EEFSEC: variants seen among roughly 807,000 people sequenced by gnomAD.
EEFSEC encodes eukaryotic elongation factor, selenocysteine-tRNA specific.
EEFSEC carries 43 observed loss-of-function variants against 42.1 expected under a neutral mutation model. That is an observed-to-expected ratio of 1.02 (90% CI 0.80 to 1.32). The LOEUF is 1.32. Ranked by LOEUF, EEFSEC falls within the 40% of genes most tolerant of loss-of-function variation. The pLI is 0.00. For missense variants in EEFSEC, 745 were observed against 803.6 expected (o/e 0.93, Z 0.88); for synonymous variants, 354 against 339.1 (o/e 1.04, Z -0.48).
intron 4 of EEFSEC, among the ~76,000 whole-genome samples, chr3:128,289,314 A>G (rs2066618944): frequency 6.6e-6 from 1 of 152,222 alleles, no homozygotes; most frequent in Non-Finnish European, 1.5e-5. Flanking sequence ...ACTATGTCTC[A>G]TGCCTTTCTT....
At chr3:128,291,115 A>T (rs2107984652) in intron 4 of EEFSEC, among the ~76,000 whole-genome samples, 1 of 148,876 alleles carries the variant, frequency 6.7e-6, no homozygotes, top group East Asian at 2.0e-4. Flanking sequence ...ATTTCTAAGT[A>T]TTTTTTTTTT....
At chr3:128,245,410 C>G (rs1200571008) in intron 1 of EEFSEC, among the ~76,000 whole-genome samples, 1 of 152,244 alleles carries the variant, frequency 6.6e-6, no homozygotes, top group Non-Finnish European at 1.5e-5. Context: ...GGCCCTCCTG[C>G]CCCTTGACCT....
intron 1 of EEFSEC, among the ~76,000 whole-genome samples, chr3:128,182,003 G>A (rs1358119397): frequency 2.0e-5 from 3 of 152,058 alleles, no homozygotes; most frequent in South Asian, 4.2e-4. Flanking sequence ...TAGTAGAGAC[G>A]GGGTTTCACC....
chr3:128,316,720 G>A (rs147964687), intron 4 of EEFSEC, among the ~76,000 whole-genome samples: 2 of 152,312 alleles, frequency 1.3e-5, no homozygotes, highest in Admixed American at 6.5e-5. Flanking sequence ...AGCCAGCAGC[G>A]TGGGGTTACC....
intron 4 of EEFSEC, among the ~76,000 whole-genome samples, chr3:128,270,869 G>A (rs146575425): frequency 2.6e-4 from 39 of 152,252 alleles, no homozygotes; most frequent in South Asian, 1.5e-3. Flanking sequence ...CCCGTCCTCT[G>A]TGCTGCCTGC....
At chr3:128,194,991 C>T (rs2065568749) in intron 1 of EEFSEC, among the ~76,000 whole-genome samples, 1 of 152,226 alleles carries the variant, frequency 6.6e-6, no homozygotes, top group South Asian at 2.1e-4. Flanking sequence ...TCCCTCCTCG[C>T]TCCTCCTTCT....
intron 1 of EEFSEC, among the ~76,000 whole-genome samples, chr3:128,186,393 A>G (rs1017718338): frequency 6.6e-6 from 1 of 152,218 alleles, no homozygotes; most frequent in African/African-American, 2.4e-5. Flanking sequence ...CTTTCTTGAT[A>G]GTGTCCTTTG....
At position 128,246,980 on chromosome 3, in the gene EEFSEC, G is replaced by A. The variant is rs1341990877; in HGVS notation, c.461G>A (p.Gly154Glu). 2 of 1,614,138 alleles carry A rather than the reference G, an allele frequency of 1.2e-6. No individual in the cohort carries two copies. Among genetic ancestry groups the A allele is most frequent in the East Asian group, 2.2e-5 (1 of 44,882 alleles). The change falls in exon 2 of 7, where the codon GGA becomes GAA. Residue 154 changes from glycine to glutamate, a missense_variant. Coordinates refer to ENST00000254730, the MANE Select transcript of EEFSEC (RefSeq NM_021937.5). ...AACAAAATAGACCTCTTACCTGAAG[G>A]AAAGAGACAGGCAGCAATTGATAAA... ...VLNKIDLLPEGKRQAAIDKMT... is the reference protein window; with the variant it reads ...VLNKIDLLPEEKRQAAIDKMT...
intron 2 of EEFSEC, among the ~76,000 whole-genome samples, chr3:128,261,774 C>T (rs971735274): frequency 2.0e-5 from 3 of 152,126 alleles, no homozygotes; most frequent in African/African-American, 7.2e-5. Context: ...CTTCAGAAGG[C>T]TGAGATGTAT....
chr3:128,180,191 G>C (rs1290347104), intron 1 of EEFSEC, among the ~76,000 whole-genome samples: 1 of 152,104 alleles, frequency 6.6e-6, no homozygotes, highest in Non-Finnish European at 1.5e-5. Context: ...CAAAACACAT[G>C]AAGTTGTTTT....
At position 128,396,438 on chromosome 3, in the gene EEFSEC, A is replaced by T. The variant is rs139145576; in HGVS notation, c.1601-11631A>T. ...GGAGTGGATAATGTACCCTCCTCAC[A>T]TGAGTTGAGGCACAGAAAGCACTTT... On this transcript the variant is annotated intron_variant, in intron 6 of 6. Coordinates refer to ENST00000254730, the MANE Select transcript of EEFSEC (RefSeq NM_021937.5). 1.6e-4 allele frequency among the ~76,000 whole-genome samples: 25 copies of T among 152,158 alleles called. 1 individual carries two copies. The highest frequency in any genetic ancestry group is 4.8e-4 in the African/African-American group (20 of 41,516).
At chr3:128,389,728 G>T (rs1318912843) in intron 6 of EEFSEC, among the ~76,000 whole-genome samples, 10 of 152,254 alleles carry the variant, frequency 6.6e-5, no homozygotes, top group Non-Finnish European at 1.5e-5. Context: ...CTTGACCTTG[G>T]GAAAGGGAGG....
chr3:128,193,645 G>A (rs1231464715), intron 1 of EEFSEC, among the ~76,000 whole-genome samples: 1 of 152,196 alleles, frequency 6.6e-6, no homozygotes, highest in Non-Finnish European at 1.5e-5. Flanking sequence ...GTCACCTTCT[G>A]TGATCCTTAC....
intron 1 of EEFSEC, among the ~76,000 whole-genome samples, chr3:128,181,609 C>A (rs1047202124): frequency 6.6e-6 from 1 of 152,176 alleles, no homozygotes; most frequent in African/African-American, 2.4e-5. Flanking sequence ...TTTGAAAGGT[C>A]TTTCTTGTTG....
intron 1 of EEFSEC, among the ~76,000 whole-genome samples, chr3:128,154,599 G>T (rs1031250925): frequency 6.6e-5 from 10 of 151,952 alleles, no homozygotes; most frequent in Non-Finnish European, 1.3e-4. Context: ...ACAGGCGCGC[G>T]CCACCACGCC....
At chr3:128,311,780 A>G (rs570974199) in intron 4 of EEFSEC, among the ~76,000 whole-genome samples, 2 of 152,300 alleles carry the variant, frequency 1.3e-5, no homozygotes, top group South Asian at 4.1e-4. Flanking sequence ...TTGTTTTGCA[A>G]GGGACGCCCT....
intron 1 of EEFSEC, among the ~76,000 whole-genome samples, chr3:128,230,130 C>G (rs902061225): frequency 5.0e-5 from 7 of 141,182 alleles, no homozygotes; most frequent in Non-Finnish European, 9.3e-5. Context: ...CTCTCCCTCC[C>G]TCCCTCCCTT....
intron 4 of EEFSEC, among the ~76,000 whole-genome samples, chr3:128,307,005 G>A (rs565112203): frequency 3.3e-5 from 5 of 152,364 alleles, no homozygotes; most frequent in African/African-American, 1.2e-4. Context: ...CTGGTAACTA[G>A]GCTCACTTTT....
chr3:128,203,352 A>G (rs2065661715), intron 1 of EEFSEC, among the ~76,000 whole-genome samples: 1 of 152,232 alleles, frequency 6.6e-6, no homozygotes, highest in Non-Finnish European at 1.5e-5. Context: ...AAATCATGAT[A>G]GGCTATTTCC....
Sources: gnomAD v4.1 joint callset for allele counts (sites outside exome capture counted in the v4.1 genomes callset) on GRCh38, gnomAD v4.1.1 for gene constraint, MANE v1.5 for transcripts, NCBI Gene and HGNC (gene_info 2026-07-23, HGNC 2026-07-21) for gene names.